Variants in MAP2K5 observed in about 807,000 individuals in gnomAD.
MAP2K5 encodes dual specificity mitogen-activated protein kinase kinase 5.
Under a neutral mutation model 83.1 loss-of-function variants are expected in MAP2K5, and 49 were observed. The ratio of observed to expected loss-of-function variants is 0.59; its 90% CI spans 0.47 to 0.75. The LOEUF (loss-of-function observed/expected upper bound fraction) is 0.75, where lower values mean the gene tolerates loss of function less well. MAP2K5 is among the 30% of genes least tolerant of loss of function. The pLI, the probability that MAP2K5 is intolerant of heterozygous loss-of-function variation, is 0.00. For missense variants in MAP2K5, 457 were observed against 557.5 expected, an observed-to-expected ratio of 0.82 and a Z score of 1.82; for synonymous variants, 202 against 191.8, an observed-to-expected ratio of 1.05 and a Z score of -0.44.
chr15:67,604,839 G>C (rs982179102), intron 8 of MAP2K5, among the ~76,000 whole-genome samples: 9 of 151,668 alleles, frequency 5.9e-5, no homozygotes, highest in African/African-American at 2.2e-4. Flanking sequence ...AGGTTGCAGT[G>C]AGCCGAGATT....
intron 3 of MAP2K5, among the ~76,000 whole-genome samples, chr15:67,570,242 C>A (rs1327938266): frequency 6.6e-6 from 1 of 152,208 alleles, no homozygotes; most frequent in Non-Finnish European, 1.5e-5. Flanking sequence ...ATGGTGTTAT[C>A]ATTAAACTTG....
In MAP2K5 at chr15:67,630,912, A is replaced by G; in HGVS notation, c.570A>G (p.Lys190=). ...VYKAYHVPSG[K]ILAVKVILLD... is the part of the protein sequence containing the mutation. ...GAGCATATCATGTCCCGAGTGGGAA[A>G]ATATTAGCTGTAAAGGTAAGTACTG... The change falls in exon 9 of 22, where the codon AAA becomes AAG. Residue 190 remains lysine, a synonymous_variant. Transcript: ENST00000178640. 6.2e-7 allele frequency: 1 copy of G among 1,610,182 alleles called. No individual in the cohort carries two copies. The highest frequency in any genetic ancestry group is 8.5e-7 in the Non-Finnish European group (1 of 1,177,772).
Position 67,543,347 on chromosome 15 carries a change from A to G in MAP2K5, c.12A>G (p.Leu4=). 1 of 1,614,210 alleles carries G rather than the reference A, an allele frequency of 6.2e-7. No individual in the cohort carries two copies. Among genetic ancestry groups the G allele is most frequent in the Non-Finnish European group, 8.5e-7 (1 of 1,180,038 alleles). The change falls in exon 1 of 22, where the codon CTA becomes CTG. Residue 4 remains leucine, a synonymous_variant. Coordinates refer to ENST00000178640, the MANE Select transcript of MAP2K5 (RefSeq NM_145160.3). This position sits in a 1 kb window ranked among gnomAD's most constrained non-coding sequence, Gnocchi z 4.3. MLW[L]ALGPFPAMEN... is the part of the protein sequence containing the mutation. ...CTCTTTAACCTGTAATGCTGTGGCT[A>G]GCCCTTGGCCCCTTTCCTGCCATGG...
At chr15:67,662,591 T>C (rs2087263874) in intron 12 of MAP2K5, among the ~76,000 whole-genome samples, 1 of 152,164 alleles carries the variant, frequency 6.6e-6, no homozygotes, top group African/African-American at 2.4e-5. Flanking sequence ...GAATAAAACA[T>C]GTACATTTCC....
rs5813453 is a variant in MAP2K5, at chr15:67,699,970, T to TAAA, written c.973-3351_973-3349dup. 7.6e-3 allele frequency among the ~76,000 whole-genome samples: 1,075 copies of TAAA among 140,880 alleles called. 10 individuals are homozygous for TAAA. The highest frequency in any genetic ancestry group is 0.017 in the African/African-American group (657 of 38,194). 92.4% of individuals were successfully genotyped at this position (140,880 alleles called of 152,430 possible). On this transcript the variant is annotated intron_variant, in intron 15 of 21. Transcript: ENST00000178640. ...TGCCTACACAGGGATCTTGCCAATG[T>TAAA]AAAAAAAAAAAAAAAAAATCCTCAT... is the stretch of plus-strand genomic sequence containing the variant.
intron 8 of MAP2K5, among the ~76,000 whole-genome samples, chr15:67,613,593 T>G (rs1183462225): frequency 6.6e-6 from 1 of 152,210 alleles, no homozygotes; most frequent in African/African-American, 2.4e-5. Flanking sequence ...ATTTTTATTC[T>G]GTTTTGAGGT....
intron 8 of MAP2K5, among the ~76,000 whole-genome samples, chr15:67,606,162 GA>G (rs1369725650): frequency 6.6e-6 from 1 of 152,172 alleles, no homozygotes; most frequent in Non-Finnish European, 1.5e-5. Context: ...TTTGGATCTA[GA>G]AATGAAGTAA....
rs565312238 is a variant in MAP2K5, at chr15:67,711,728, A to G, written c.1044+8320A>G. On this transcript the variant is annotated intron_variant, in intron 16 of 21. Coordinates refer to ENST00000178640, the MANE Select transcript of MAP2K5 (RefSeq NM_145160.3). Reference sequence around the variant, plus strand: ...TACCATAAAGAGAAAGGGAAAAGAGACAACAGCACTCAAGTTTTGAATATG... The same window carrying G: ...TACCATAAAGAGAAAGGGAAAAGAGGCAACAGCACTCAAGTTTTGAATATG... 4.6e-5 allele frequency among the ~76,000 whole-genome samples: 7 copies of G among 152,338 alleles called. No homozygotes were observed. The East Asian group carries it at 1.4e-3, about 29-fold the overall frequency.
rs2085306211 is a variant in MAP2K5 at position 67,587,057 on chromosome 15, A to G, written c.431+144A>G. The G allele has an allele frequency of 1.3e-6, 1 of 786,688 alleles. No homozygotes were observed. Among genetic ancestry groups the G allele is most frequent in the Non-Finnish European group, 2.2e-6 (1 of 455,716 alleles). The allele number at this position is 786,688 out of a possible 1,614,324, so 48.7% of individuals were successfully genotyped here. On this transcript the variant is annotated intron_variant, in intron 6 of 21. Coordinates refer to ENST00000178640, the MANE Select transcript of MAP2K5 (RefSeq NM_145160.3). The surrounding 1 kb of genome is among the most constrained non-coding windows in gnomAD (Gnocchi z 4.8). ...AAGAGAAAGGACCTCATATGGAAAG[A>G]TGAATGTTTAGATTTAGACTGGGTG...
At chr15:67,612,854 A>G (rs1456114898) in intron 8 of MAP2K5, among the ~76,000 whole-genome samples, 1 of 152,236 alleles carries the variant, frequency 6.6e-6, no homozygotes, top group African/African-American at 2.4e-5. Flanking sequence ...TAAATTGCCA[A>G]TGAGCCCCTT....
intron 17 of MAP2K5, among the ~76,000 whole-genome samples, chr15:67,732,554 T>TA (rs1190281150): frequency 2.0e-5 from 3 of 152,170 alleles, no homozygotes; most frequent in Admixed American, 6.5e-5. Flanking sequence ...GACCTGAAGT[T>TA]AAAAAAAGGA....
chr15:67,545,133 A>G (rs1290433000), intron 1 of MAP2K5, among the ~76,000 whole-genome samples: 2 of 152,010 alleles, frequency 1.3e-5, no homozygotes, highest in Non-Finnish European at 2.9e-5. Context: ...TCACCGGTCA[A>G]TTCCCACCTG....
chr15:67,646,564 G>T lies in MAP2K5; in HGVS notation c.736+95G>T. Reference sequence around the variant, plus strand: ...GATATAGATATCAAATAGAATTAAAGATAATAAAATATGCTAATAATTACC... The same window carrying T: ...GATATAGATATCAAATAGAATTAAATATAATAAAATATGCTAATAATTACC... On this transcript the variant is annotated intron_variant, in intron 11 of 21. Coordinates refer to ENST00000178640, the MANE Select transcript of MAP2K5 (RefSeq NM_145160.3). The T allele has an allele frequency of 4.9e-6, 3 of 617,266 alleles. No homozygotes were observed. In the East Asian group the frequency reaches 8.9e-5, roughly 18 times the overall value. The allele number at this position is 617,266 out of a possible 1,614,324, so 38.2% of individuals were successfully genotyped here. A position where few individuals can be genotyped will look rare whatever the true frequency, so the allele number is the denominator to read the frequency against.
rs373587720 is a variant in MAP2K5, at chr15:67,769,722, G to A, written c.1196+59G>A. 1.4e-5 allele frequency: 22 copies of A among 1,561,112 alleles called. No homozygotes were observed. The highest frequency in any genetic ancestry group is 9.5e-5 in the African/African-American group (7 of 73,824). On this transcript the variant is annotated intron_variant, in intron 20 of 21. Coordinates refer to ENST00000178640, the MANE Select transcript of MAP2K5 (RefSeq NM_145160.3). This position sits in a 1 kb window ranked among gnomAD's most constrained non-coding sequence, Gnocchi z 5.2. ...TGTAAATGATACATGCCATTAACTC[G>A]GCAGCTCCGTGAGACCTTATGGCTC... is the stretch of plus-strand genomic sequence containing the variant.
In MAP2K5 at chr15:67,727,936, A is replaced by G. The variant is rs1051723323; in HGVS notation, c.1065A>G (p.Pro355=). ...CCCAGCTTGCTCTTGGGAGGTTTCC[A>G]TATCCTCAGGTAAGATTGTTCATTA... ...SFMELALGRF[P]YPQIQKNQGS... The change falls in exon 17 of 22, where the codon CCA becomes CCG. Residue 355 remains proline, a synonymous_variant. Coordinates refer to ENST00000178640, the MANE Select transcript of MAP2K5 (RefSeq NM_145160.3). 6 of 1,612,402 alleles carry G rather than the reference A, an allele frequency of 3.7e-6. No homozygotes were observed. Among genetic ancestry groups the G allele is most frequent in the Admixed American group, 1.7e-5 (1 of 60,008 alleles).
At chr15:67,680,467 A>T (rs1033307636) in intron 13 of MAP2K5, among the ~76,000 whole-genome samples, 15 of 152,230 alleles carry the variant, frequency 9.9e-5, no homozygotes, top group African/African-American at 3.4e-4. Context: ...ATAATGAACC[A>T]ATGTTTCATA....
intron 17 of MAP2K5, among the ~76,000 whole-genome samples, chr15:67,735,301 C>T (rs189685667): frequency 6.6e-6 from 1 of 152,294 alleles, no homozygotes; most frequent in African/African-American, 2.4e-5. Context: ...TGAAATTCTT[C>T]ATTAAAGATA....
At chr15:67,739,462 ATTTTTTTTTTTTTTTTTTTTTT>A (rs1168539325) in intron 17 of MAP2K5, among the ~76,000 whole-genome samples, 588 of 26,828 alleles carry the variant, frequency 0.022, 6 homozygotes, top group Middle Eastern at 0.045. Context: ...ATATATATAT[ATTTTTTTTTTTTTTTTTTTTTT>A]TTTTTTTTTT....
At chr15:67,682,105 A>T (rs1343327680) in intron 13 of MAP2K5, among the ~76,000 whole-genome samples, 3 of 152,200 alleles carry the variant, frequency 2.0e-5, no homozygotes, top group Non-Finnish European at 4.4e-5. Flanking sequence ...CATAAATATA[A>T]CTACCTCCTT....
Sources: gnomAD v4.1 joint callset for allele counts (sites outside exome capture counted in the v4.1 genomes callset) on GRCh38, gnomAD v4.1.1 for gene constraint, Gnocchi (gnomAD v3.1) non-coding constraint, MANE v1.5 for transcripts, NCBI Gene and HGNC (gene_info 2026-07-23, HGNC 2026-07-21) for gene names.